ZFHX3: variants seen among roughly 807,000 people sequenced by gnomAD.
ZFHX3 encodes the protein zinc finger homeobox 3, also known as zinc finger homeobox protein 3.
Under a neutral mutation model 279.1 loss-of-function variants are expected in ZFHX3, and 42 were observed. The ratio of observed to expected loss-of-function variants is 0.15; its 90% CI spans 0.12 to 0.19. The LOEUF (loss-of-function observed/expected upper bound fraction) is 0.19. ZFHX3 is among the 10% of genes least tolerant of loss of function. The pLI, the probability that ZFHX3 is intolerant of heterozygous loss-of-function variation, is 1.00. For synonymous variants in ZFHX3, 2,293 were observed against 1,957.8 expected (o/e 1.17, Z -4.52); for missense variants, 4,981 against 4,754.0 (o/e 1.05, Z -1.40).
intron 3 of ZFHX3, among the ~76,000 whole-genome samples, chr16:73,399,098 G>A (rs946583407): frequency 1.0e-4 from 15 of 149,026 alleles, no homozygotes; most frequent in African/African-American, 3.5e-4. Context: ...GGCCAGTCTC[G>A]AACTCCTGAC....
intron 1 of ZFHX3, among the ~76,000 whole-genome samples, chr16:73,682,370 T>A (rs8054457): frequency 6.6e-6 from 1 of 152,058 alleles, no homozygotes; most frequent in Non-Finnish European, 1.5e-5. Flanking sequence ...CACATGGGAA[T>A]GTTGTTTTGG....
chr16:73,498,098 T>C (rs977566553), intron 2 of ZFHX3, among the ~76,000 whole-genome samples: 1 of 152,238 alleles, frequency 6.6e-6, no homozygotes, highest in Non-Finnish European at 1.5e-5. Flanking sequence ...AACATTGAGT[T>C]GTGAGTTCCT....
intron 1 of ZFHX3, among the ~76,000 whole-genome samples, chr16:73,778,816 C>A (rs1567407746): frequency 6.6e-6 from 1 of 152,194 alleles, no homozygotes; most frequent in Non-Finnish European, 1.5e-5. Flanking sequence ...AATCCAAAAA[C>A]AATGACTAAC....
At chr16:73,219,940 G>T (rs1378798403) in intron 5 of ZFHX3, among the ~76,000 whole-genome samples, 1 of 152,072 alleles carries the variant, frequency 6.6e-6, no homozygotes, top group Non-Finnish European at 1.5e-5. Context: ...ACAAAAATTA[G>T]CCAGGTGTGG....
At chr16:73,499,196 C>T (rs1394992588) in intron 2 of ZFHX3, 1 of 152,178 alleles carries the variant, frequency 6.6e-6, no homozygotes, top group Non-Finnish European at 1.5e-5. Flanking sequence ...GGTCCTTTGC[C>T]TCCTCTGTTG....
intron 4 of ZFHX3, among the ~76,000 whole-genome samples, chr16:72,850,009 A>G (rs1390871183): frequency 6.6e-6 from 1 of 152,038 alleles, no homozygotes; most frequent in Non-Finnish European, 1.5e-5. Context: ...AAAGGTGGGA[A>G]CGGTCGGGGG....
chr16:73,193,863 C>A (rs1338174446), intron 5 of ZFHX3, among the ~76,000 whole-genome samples: 1 of 152,198 alleles, frequency 6.6e-6, no homozygotes, highest in Admixed American at 6.5e-5. Flanking sequence ...TGTAAGTATG[C>A]ACCACATGCT....
chr16:72,929,584 C>A (rs892900879), intron 3 of ZFHX3, among the ~76,000 whole-genome samples: 3 of 152,204 alleles, frequency 2.0e-5, no homozygotes, highest in African/African-American at 7.2e-5. Context: ...ATTCCTCAGC[C>A]AGGAAAAACT....
chr16:73,767,368 T>TAA lies in ZFHX3; in HGVS notation c.-1607-87130_-1607-87129dup, dbSNP rs559565003. On this transcript the variant is annotated intron_variant, in intron 1 of 17. Coordinates refer to the ZFHX3 transcript ENST00000641206. Reference sequence around the variant, plus strand: ...GCAGAAGAATCTTCTCTTTATAAGGTAAAATTATTTGGATTTGAGGAAAAG... The same window carrying TAA: ...GCAGAAGAATCTTCTCTTTATAAGGTAAAAAATTATTTGGATTTGAGGAAAAG... 9.2e-5 allele frequency among the ~76,000 whole-genome samples: 14 copies of TAA among 152,314 alleles called. No homozygotes were observed. The East Asian group carries it at 2.3e-3, about 25-fold the overall frequency.
intron 4 of ZFHX3, among the ~76,000 whole-genome samples, chr16:72,863,361 A>AT (rs2037932028): frequency 6.6e-6 from 1 of 150,876 alleles, no homozygotes; most frequent in Non-Finnish European, 1.5e-5. Context: ...AAAAAAAAAA[A>AT]AAAAAATTTA....
intron 7 of ZFHX3, among the ~76,000 whole-genome samples, chr16:73,104,034 A>T (rs1966263642): frequency 6.6e-6 from 1 of 152,132 alleles, no homozygotes; most frequent in Non-Finnish European, 1.5e-5. Context: ...CCGAGGAAGA[A>T]CTGGCCAAGT....
At chr16:73,487,092 T>G (rs1872552113) in intron 2 of ZFHX3, among the ~76,000 whole-genome samples, 1 of 152,214 alleles carries the variant, frequency 6.6e-6, no homozygotes, top group Non-Finnish European at 1.5e-5. Flanking sequence ...ATAGTGTTCC[T>G]TATGCTGAAA....
At chr16:73,654,737 A>C (rs1014382026) in intron 2 of ZFHX3, among the ~76,000 whole-genome samples, 2 of 152,070 alleles carry the variant, frequency 1.3e-5, no homozygotes, top group Non-Finnish European at 2.9e-5. Context: ...AGAGGCAAAA[A>C]ATTGATAAAT....
intron 2 of ZFHX3, among the ~76,000 whole-genome samples, chr16:73,482,719 A>C (rs1386065728): frequency 6.6e-6 from 1 of 152,202 alleles, no homozygotes; most frequent in African/African-American, 2.4e-5. Flanking sequence ...ATTAAAAGAG[A>C]GAGAGGTATC....
chr16:72,934,798 G>A (rs1960024925), intron 3 of ZFHX3, among the ~76,000 whole-genome samples: 1 of 152,134 alleles, frequency 6.6e-6, no homozygotes, highest in Admixed American at 6.5e-5. Flanking sequence ...TTCTCAAACT[G>A]CAGCCGCACA....
intron 1 of ZFHX3, among the ~76,000 whole-genome samples, chr16:73,773,811 G>T (rs2054047051): frequency 6.6e-6 from 1 of 152,100 alleles, no homozygotes; most frequent in South Asian, 2.1e-4. Flanking sequence ...AGTACCAGGG[G>T]ACTCCAACAT....
At chr16:73,646,697 C>T (rs1163170275) in intron 2 of ZFHX3, among the ~76,000 whole-genome samples, 1 of 152,146 alleles carries the variant, frequency 6.6e-6, no homozygotes. Flanking sequence ...TGTATACTGA[C>T]AAACTTCGAA....
At chr16:73,111,381 C>A (rs1966371340) in intron 7 of ZFHX3, among the ~76,000 whole-genome samples, 1 of 152,188 alleles carries the variant, frequency 6.6e-6, no homozygotes. Context: ...TTAGGGGAAG[C>A]AGCCACTATT....
At chr16:72,940,375 A>C (rs1960353717) in intron 3 of ZFHX3, among the ~76,000 whole-genome samples, 1 of 152,170 alleles carries the variant, frequency 6.6e-6, no homozygotes, top group African/African-American at 2.4e-5. Context: ...AATCTGGGAA[A>C]TCCTGTGCCT....
Sources: gnomAD v4.1 joint callset for allele counts (sites outside exome capture counted in the v4.1 genomes callset) on GRCh38, gnomAD v4.1.1 for gene constraint, MANE v1.5 for transcripts, NCBI Gene and HGNC (gene_info 2026-07-23, HGNC 2026-07-21) for gene names.